The following PPP2R3A variants were observed in gnomAD, a reference collection of about 807,000 sequenced individuals.
PPP2R3A encodes serine/threonine-protein phosphatase 2A regulatory subunit B'' subunit alpha.
PPP2R3A carries 80 observed loss-of-function variants against 106.9 expected under a neutral mutation model. The ratio of observed to expected loss-of-function variants is 0.75; its 90% CI spans 0.62 to 0.90. The LOEUF is 0.90. PPP2R3A is among the 40% of genes least tolerant of loss of function. The pLI is 0.00. For missense variants in PPP2R3A, 1,386 were observed against 1,350.4 expected (o/e 1.03, Z -0.41); for synonymous variants, 483 against 468.3 (o/e 1.03, Z -0.41).
chr3:136,120,542 C>T (rs1322426939), intron 13 of PPP2R3A, among the ~76,000 whole-genome samples: 7 of 151,934 alleles, frequency 4.6e-5, no homozygotes, highest in African/African-American at 7.3e-5. Flanking sequence ...GAGCCGATAC[C>T]GTGCCACTGC....
chr3:136,116,408 T>G (rs1401265997), intron 13 of PPP2R3A, among the ~76,000 whole-genome samples: 1 of 152,194 alleles, frequency 6.6e-6, no homozygotes, highest in Non-Finnish European at 1.5e-5. Flanking sequence ...ACCTTAAATG[T>G]AAATGGGCTA....
At chr3:136,080,449 C>T (rs1936747805) in intron 7 of PPP2R3A, among the ~76,000 whole-genome samples, 2 of 152,158 alleles carry the variant, frequency 1.3e-5, no homozygotes, top group African/African-American at 4.8e-5. Context: ...CTCCAAAAAG[C>T]CTGCACTACT....
In PPP2R3A at chr3:136,009,970, C is replaced by T. The variant is rs1332138552; in HGVS notation, c.1995+6477C>T. On this transcript the variant is annotated intron_variant, in intron 2 of 13. Transcript: ENST00000264977. Reference sequence around the variant, plus strand: ...TTGCTTTAAATTCATGACCACCAACCTCCAGTGGGTCTTTAGTACTGTGTG... The same window carrying T: ...TTGCTTTAAATTCATGACCACCAACTTCCAGTGGGTCTTTAGTACTGTGTG... Among the ~76,000 whole-genome samples the T allele has an allele frequency of 3.9e-5, 6 of 152,266 alleles. No homozygotes were observed. In the East Asian group the frequency reaches 7.7e-4, roughly 20 times the overall value.
At chr3:136,086,109 C>T (rs1046316963) in intron 8 of PPP2R3A, among the ~76,000 whole-genome samples, 1 of 150,130 alleles carries the variant, frequency 6.7e-6, no homozygotes, top group Non-Finnish European at 1.5e-5. Flanking sequence ...CCAGCCTGAG[C>T]GACAGGGAGA....
chr3:136,113,830 A>T (rs764914198), intron 13 of PPP2R3A, among the ~76,000 whole-genome samples: 33 of 152,188 alleles, frequency 2.2e-4, no homozygotes, highest in Admixed American at 9.2e-4. Flanking sequence ...TAAATGTAAG[A>T]CCTAAAACTA....
At chr3:136,026,028 C>G (rs1934642282) in intron 2 of PPP2R3A, among the ~76,000 whole-genome samples, 1 of 152,094 alleles carries the variant, frequency 6.6e-6, no homozygotes, top group Admixed American at 6.6e-5. Context: ...CTCGTTGCCT[C>G]CCTGCCACTC....
At chr3:136,107,586 C>G (rs1056803842) in intron 13 of PPP2R3A, among the ~76,000 whole-genome samples, 1 of 151,950 alleles carries the variant, frequency 6.6e-6, no homozygotes, top group African/African-American at 2.4e-5. Context: ...TCAAATAGTC[C>G]TCAATATAGA....
chr3:136,073,857 A>T (rs1370067782), intron 6 of PPP2R3A, among the ~76,000 whole-genome samples: 3 of 152,254 alleles, frequency 2.0e-5, no homozygotes, highest in Non-Finnish European at 4.4e-5. Context: ...TTCTAGAACA[A>T]ATGTAAAATA....
At chr3:136,035,979 C>T (rs1935072825) in intron 3 of PPP2R3A, among the ~76,000 whole-genome samples, 1 of 151,678 alleles carries the variant, frequency 6.6e-6, no homozygotes, top group Admixed American at 6.6e-5. Context: ...TGTCTTTGAG[C>T]TCTGAATTTC....
intron 1 of PPP2R3A, among the ~76,000 whole-genome samples, chr3:135,976,210 C>T (rs1414945123): frequency 1.3e-5 from 2 of 152,206 alleles, no homozygotes; most frequent in African/African-American, 2.4e-5. Context: ...CTGTAAGTTT[C>T]GGCTAGTGAT....
intron 13 of PPP2R3A, among the ~76,000 whole-genome samples, chr3:136,143,985 A>G (rs958627623): frequency 6.6e-6 from 1 of 152,262 alleles, no homozygotes; most frequent in Non-Finnish European, 1.5e-5. Flanking sequence ...GTCAAATACT[A>G]TAATAGACAT....
intron 8 of PPP2R3A, among the ~76,000 whole-genome samples, chr3:136,087,246 T>TCTCTCTCTCTCTCTCTCC (rs1559912455): frequency 4.8e-5 from 1 of 20,848 alleles, no homozygotes; most frequent in Non-Finnish European, 8.4e-5. Context: ...TCTAGTCGTG[T>TCTCTCTCTCTCTCTCTCC]CTCTCTCTCT....
At chr3:136,058,394 A>G (rs1935951439) in intron 5 of PPP2R3A, among the ~76,000 whole-genome samples, 1 of 152,210 alleles carries the variant, frequency 6.6e-6, no homozygotes, top group African/African-American at 2.4e-5. Flanking sequence ...GAGCCAAATC[A>G]GGAATGAACT....
At chr3:136,065,966 C>T (rs560090672) in intron 5 of PPP2R3A, among the ~76,000 whole-genome samples, 10 of 152,112 alleles carry the variant, frequency 6.6e-5, no homozygotes, top group Non-Finnish European at 1.0e-4. Flanking sequence ...AATCACTGCA[C>T]CTAGCCAGAA....
At chr3:136,079,527 G>C (rs1168195930) in intron 7 of PPP2R3A, among the ~76,000 whole-genome samples, 3 of 150,774 alleles carry the variant, frequency 2.0e-5, no homozygotes, top group Non-Finnish European at 4.4e-5. Flanking sequence ...TTCTGCCTTA[G>C]CCTCCTGAGT....
chr3:135,975,712 G>C lies in PPP2R3A; in HGVS notation c.-441+9863G>C, dbSNP rs550648562. ...CATCCTGGTACTTGGGCAAATGTGT[G>C]AATGTTTATATTGCATAGATTCTGA... On this transcript the variant is annotated intron_variant, in intron 1 of 13. Coordinates refer to ENST00000264977, the MANE Select transcript of PPP2R3A (RefSeq NM_002718.5). Among the ~76,000 whole-genome samples the C allele has an allele frequency of 4.6e-5, 7 of 152,216 alleles. No individual in the cohort carries two copies. In the South Asian group the frequency reaches 1.5e-3, roughly 32 times the overall value.
intron 2 of PPP2R3A, among the ~76,000 whole-genome samples, chr3:136,017,362 A>G (rs1934314573): frequency 6.6e-6 from 1 of 152,234 alleles, no homozygotes; most frequent in Admixed American, 6.5e-5. Flanking sequence ...ACGCCAGGGA[A>G]GTTTTCCTTG....
intron 1 of PPP2R3A, among the ~76,000 whole-genome samples, chr3:135,985,085 T>C (rs1937589121): frequency 6.6e-6 from 1 of 152,130 alleles, no homozygotes; most frequent in Admixed American, 6.6e-5. Context: ...GAGATTTGGG[T>C]GGGGACACAA....
intron 11 of PPP2R3A, 27 bp downstream of exon 11, chr3:136,102,209 A>G: frequency 9.9e-6 from 16 of 1,609,988 alleles, no homozygotes; most frequent in Middle Eastern, 2.1e-4. Flanking sequence ...GGACAGATGC[A>G]CTGTTCACCT....
Sources: gnomAD v4.1 joint callset for allele counts (sites outside exome capture counted in the v4.1 genomes callset) on GRCh38, gnomAD v4.1.1 for gene constraint, MANE v1.5 for transcripts, NCBI Gene and HGNC (gene_info 2026-07-23, HGNC 2026-07-21) for gene names.